Variants in BRWD1 observed in about 807,000 individuals in gnomAD.
The protein encoded by BRWD1 is bromodomain and WD repeat-containing protein 1.
Under a neutral mutation model 251.2 loss-of-function variants are expected in BRWD1, and 82 were observed. That is an observed-to-expected ratio of 0.33 (90% CI 0.27 to 0.39). The LOEUF is 0.39. Among genes scored for constraint, BRWD1 ranks in the 10% least tolerant of loss-of-function variants. The pLI is 1.00. For missense variants in BRWD1, 2,233 were observed against 2,711.6 expected (o/e 0.82, Z 3.92); for synonymous variants, 918 against 902.8 (o/e 1.02, Z -0.30).
intron 18 of BRWD1, among the ~76,000 whole-genome samples, chr21:39,257,308 A>C (rs991228112): frequency 1.3e-5 from 2 of 152,006 alleles, no homozygotes; most frequent in African/African-American, 4.8e-5. Context: ...GCGTTTATGT[A>C]TCTTGTGCCT....
At chr21:39,222,021 T>C (rs2183574) in intron 29 of BRWD1, among the ~76,000 whole-genome samples, 141,076 of 152,228 alleles carry the variant, frequency 0.93, 65,716 homozygotes, top group African/African-American at 0.97. Flanking sequence ...CAAATCGAAA[T>C]CACAATAATA....
chr21:39,265,041 A>G, intron 15 of BRWD1, 22 bp from the exon 16 acceptor site: 1 of 1,607,964 alleles, frequency 6.2e-7, no homozygotes, highest in Non-Finnish European at 8.5e-7. Context: ...AAAAGGAAAA[A>G]AGTTAGGACC....
rs2032082527 is a variant in BRWD1 at position 39,201,014 on chromosome 21, A to G, written c.4586-628T>C. Among the ~76,000 whole-genome samples, 3 of 152,152 alleles carry G rather than the reference A, an allele frequency of 2.0e-5. No homozygotes were observed. The South Asian group carries it at 6.2e-4, about 32-fold the overall frequency. ...TAAATTAGTTAAATTAATTGGATCC[A>G]TGTCTACTCCCTTCTGTGATATCAG... On this transcript the variant is annotated intron_variant, in intron 38 of 40. Transcript: ENST00000342449.
chr21:39,247,090 G>A (rs1474444349), intron 21 of BRWD1, among the ~76,000 whole-genome samples: 2 of 148,418 alleles, frequency 1.3e-5, no homozygotes, highest in Non-Finnish European at 1.5e-5. Flanking sequence ...AAAAAAAAAA[G>A]GGCCCATTCA....
chr21:39,212,748 A>G, intron 33 of BRWD1, 41 bp from the exon 34 acceptor site: 1 of 1,344,502 alleles, frequency 7.4e-7, no homozygotes, highest in South Asian at 1.3e-5. Context: ...TTAGAGTCTC[A>G]TTAGAAAATA....
In BRWD1 at chr21:39,188,268, G is replaced by A; in HGVS notation, c.*7991C>T. On this transcript the variant is annotated 3_prime_UTR_variant, in exon 41 of 41. Coordinates refer to ENST00000342449, the MANE Select transcript of BRWD1 (RefSeq NM_033656.4). ...ATGAACAGTCAAACTATCTAAAACT[G>A]CCTTCATGGTACACACCAATCTTGA... 1.0e-6 allele frequency: 1 copy of A among 985,326 alleles called. No homozygotes were observed. Among genetic ancestry groups the A allele is most frequent in the Non-Finnish European group, 1.2e-6 (1 of 829,896 alleles). 61.0% of individuals were successfully genotyped at this position (985,326 alleles called of 1,614,324 possible).
chr21:39,297,955 A>G (rs868132082), intron 5 of BRWD1: 1 of 985,158 alleles, frequency 1.0e-6, no homozygotes, highest in Middle Eastern at 5.2e-4. Context: ...TTAAATTAGT[A>G]AAAAAAGAAC....
At chr21:39,222,281 T>C (rs1021751324) in intron 29 of BRWD1, among the ~76,000 whole-genome samples, 2 of 152,182 alleles carry the variant, frequency 1.3e-5, no homozygotes, top group Non-Finnish European at 2.9e-5. Context: ...GCAATCCAAA[T>C]GCCCATCAAC....
At chr21:39,254,191 G>A (rs368444934) in intron 19 of BRWD1, among the ~76,000 whole-genome samples, 3 of 152,242 alleles carry the variant, frequency 2.0e-5, no homozygotes, top group East Asian at 1.9e-4. Context: ...ACTTGAACCC[G>A]GAGGCAGAGG....
chr21:39,221,287 C>G (rs1487846029), intron 29 of BRWD1, among the ~76,000 whole-genome samples: 1 of 151,996 alleles, frequency 6.6e-6, no homozygotes, highest in Non-Finnish European at 1.5e-5. Flanking sequence ...TTGATGCCCC[C>G]CAAACGGTAG....
intron 22 of BRWD1, among the ~76,000 whole-genome samples, chr21:39,237,678 T>C (rs1253041349): frequency 6.6e-6 from 1 of 152,154 alleles, no homozygotes; most frequent in Non-Finnish European, 1.5e-5. Flanking sequence ...AAGAAAAGAA[T>C]CATTCTTTAA....
At chr21:39,210,979 C>A in intron 34 of BRWD1, 50 bp from the exon 35 acceptor site, 1 of 1,547,538 alleles carries the variant, frequency 6.5e-7, no homozygotes, top group Non-Finnish European at 8.7e-7. Context: ...TGGTGTAAGA[C>A]TGTGGTAAAA....
chr21:39,206,170 T>G lies in BRWD1; in HGVS notation c.4302A>C (p.Arg1434Ser). 6.2e-7 allele frequency: 1 copy of G among 1,613,858 alleles called. No homozygotes were observed. Among genetic ancestry groups the G allele is most frequent in the Non-Finnish European group, 8.5e-7 (1 of 1,179,936 alleles). Residue 1434 changes from arginine to serine, a missense_variant, in exon 37 of 41, where the codon AGA (arginine) becomes AGC (serine). Transcript: ENST00000342449. ...IGQKFNEKLR[R>S]SQRFKQRQNC... ...TTTGCCGTTGCTTGAACCTCTGGCT[T>G]CTTCGAAGTTTTTCATTGAATTTTT...
upstream of BRWD1, chr21:39,313,895 G>A (rs1197754445): frequency 9.3e-6 from 3 of 322,712 alleles, no homozygotes; most frequent in South Asian, 2.3e-5. Context: ...GGCTGCCCGG[G>A]CTTTGTGAGG....
chr21:39,301,991 T>TTG (rs1439538093), intron 4 of BRWD1, among the ~76,000 whole-genome samples: 7 of 141,714 alleles, frequency 4.9e-5, no homozygotes, highest in Admixed American at 4.2e-4. Flanking sequence ...TTTTTTTTTT[T>TTG]TTTTTTTTTT....
At chr21:39,224,352 G>A (rs149424253) in intron 29 of BRWD1, 56 bp downstream of exon 29, 3 of 1,062,346 alleles carry the variant, frequency 2.8e-6, no homozygotes, top group East Asian at 2.7e-5. Flanking sequence ...ATGTGCACTG[G>A]CAAATGTACA....
Position 39,217,054 on chromosome 21 carries a change from T to TAA in BRWD1, c.3659+1097_3659+1098insTT, listed in dbSNP as rs1568877963. Reference sequence around the variant, plus strand: ...ATATATAAATATATATATATATTTATATATATATATATATATATATATATA... The same window carrying TAA: ...ATATATAAATATATATATATATTTATAAATATATATATATATATATATATATA... On this transcript the variant is annotated intron_variant, in intron 31 of 40. Coordinates refer to ENST00000342449, the MANE Select transcript of BRWD1 (RefSeq NM_033656.4). 111 of 17,564 alleles carry TAA rather than the reference T, an allele frequency of 6.3e-3. 6 individuals carry two copies. The highest frequency in any genetic ancestry group is 0.021 in the African/African-American group (108 of 5,234). 1.1% of individuals were successfully genotyped at this position (17,564 alleles called of 1,614,324 possible). A position where few individuals can be genotyped will look rare whatever the true frequency, so the allele number is the denominator to read the frequency against.
intron 22 of BRWD1, among the ~76,000 whole-genome samples, 175 bp downstream of exon 22, chr21:39,238,304 A>C (rs1462109200): frequency 7.3e-6 from 1 of 137,294 alleles, no homozygotes; most frequent in Non-Finnish European, 1.6e-5. Flanking sequence ...AAAAAAAAAA[A>C]CTCCTGAAAT....
intron 27 of BRWD1, among the ~76,000 whole-genome samples, chr21:39,225,483 A>G (rs1292167924): frequency 6.6e-6 from 1 of 152,208 alleles, no homozygotes; most frequent in Non-Finnish European, 1.5e-5. Context: ...GAACTGCTGC[A>G]GTAACCATAT....
Sources: gnomAD v4.1 joint callset for allele counts (sites outside exome capture counted in the v4.1 genomes callset) on GRCh38, gnomAD v4.1.1 for gene constraint, MANE v1.5 for transcripts, NCBI Gene and HGNC (gene_info 2026-07-23, HGNC 2026-07-21) for gene names.